The following FANCA variants were observed in gnomAD, a reference collection of about 807,000 sequenced individuals.
FANCA encodes the protein FA complementation group A.
In FANCA, 236 loss-of-function variants were observed where a neutral mutation model predicts 194.3. That is an observed-to-expected ratio of 1.21 (90% CI 1.09 to 1.35). The LOEUF is 1.35. Among genes scored for constraint, FANCA ranks in the 40% most tolerant of loss-of-function variants. The pLI is 0.00. For missense variants in FANCA, 2,628 were observed against 1,813.9 expected (o/e 1.45, Z -8.15); for synonymous variants, 1,014 against 715.8 (o/e 1.42, Z -6.65).
intron 36 of FANCA, 78 bp downstream of exon 36, chr16:89,744,881 G>C: frequency 1.5e-6 from 2 of 1,315,534 alleles, no homozygotes; most frequent in Non-Finnish European, 2.2e-6. Flanking sequence ...AAGCAAGCCA[G>C]GGTGTTTAGG....
intron 8 of FANCA, among the ~76,000 whole-genome samples, chr16:89,800,800 G>A (rs1238542281): frequency 6.6e-6 from 1 of 152,164 alleles, no homozygotes; most frequent in Non-Finnish European, 1.5e-5. Flanking sequence ...GGAAGTCGAG[G>A]TGGGTGGATC....
At chr16:89,776,328 C>G (rs1329939437) in intron 20 of FANCA, among the ~76,000 whole-genome samples, 1 of 151,232 alleles carries the variant, frequency 6.6e-6, no homozygotes, top group South Asian at 2.1e-4. Context: ...CCACCAGGCC[C>G]AGCTAATTTT....
At chr16:89,794,977 C>T (rs1433822610) in intron 11 of FANCA, among the ~76,000 whole-genome samples, 1 of 152,118 alleles carries the variant, frequency 6.6e-6, no homozygotes, top group Non-Finnish European at 1.5e-5. Flanking sequence ...CATGCTCAAA[C>T]ACCAAGTTTT....
chr16:89,782,220 T>A (rs1303071454), intron 17 of FANCA, among the ~76,000 whole-genome samples: 2 of 124,852 alleles, frequency 1.6e-5, no homozygotes, highest in Non-Finnish European at 3.5e-5. Context: ...CTAAAAAAAA[T>A]TAAAAAATTA....
chr16:89,797,167 GA>G (rs1276720841), intron 10 of FANCA, among the ~76,000 whole-genome samples: 1 of 150,494 alleles, frequency 6.6e-6, no homozygotes, highest in Non-Finnish European at 1.5e-5. Context: ...CTCAAAAAAA[GA>G]AAAATAAAAA....
intron 36 of FANCA, among the ~76,000 whole-genome samples, chr16:89,743,938 C>T (rs1190412592): frequency 2.0e-5 from 3 of 152,036 alleles, no homozygotes; most frequent in East Asian, 3.9e-4. Flanking sequence ...TCTCTCATTG[C>T]CCATGCTGGA....
intron 6 of FANCA, among the ~76,000 whole-genome samples, chr16:89,806,899 G>A (rs2040672671): frequency 6.6e-6 from 1 of 152,220 alleles, no homozygotes; most frequent in East Asian, 1.9e-4. Context: ...CCGGGTAGAG[G>A]GGCTCCTCAC....
chr16:89,770,898 C>T (rs2039301536), intron 23 of FANCA, among the ~76,000 whole-genome samples: 1 of 152,044 alleles, frequency 6.6e-6, no homozygotes, highest in Admixed American at 6.6e-5. Flanking sequence ...GTGTAAGGGG[C>T]CAGAAAAATA....
chr16:89,765,863 C>T (rs1388033626), intron 27 of FANCA, among the ~76,000 whole-genome samples: 2 of 152,216 alleles, frequency 1.3e-5, no homozygotes, highest in Admixed American at 6.5e-5. Context: ...ACTGGAAATA[C>T]GTGCACCCTG....
In FANCA at chr16:89,767,299, G is replaced by C. The variant is rs540895306; in HGVS notation, c.2505-62C>G. ...TACAAAATAAGGGATGAAGGAAAAA[G>C]TTACTTTGAATTTCATAAAACTGAA... is the stretch of plus-strand genomic sequence containing the variant. On this transcript the variant is annotated intron_variant, in intron 26 of 42. Transcript: ENST00000389301. 4.1e-6 allele frequency: 5 copies of C among 1,211,646 alleles called. No individual in the cohort carries two copies. The South Asian group carries it at 6.1e-5, about 15-fold the overall frequency. 75.1% of individuals were successfully genotyped at this position (1,211,646 alleles called of 1,614,324 possible). A position where few individuals can be genotyped will look rare whatever the true frequency, so the allele number is the denominator to read the frequency against.
intron 29 of FANCA, among the ~76,000 whole-genome samples, chr16:89,759,784 G>A (rs1322937515): frequency 6.6e-6 from 1 of 152,162 alleles, no homozygotes; most frequent in African/African-American, 2.4e-5. Context: ...AATCCGCAGT[G>A]CACAGAACCA....
At chr16:89,777,077 G>C (rs931366905) in intron 20 of FANCA, among the ~76,000 whole-genome samples, 2 of 152,142 alleles carry the variant, frequency 1.3e-5, no homozygotes, top group African/African-American at 2.4e-5. Context: ...GGGTGTGGTG[G>C]AGCGCGCCTC....
chr16:89,776,793 T>G (rs1336738418), intron 20 of FANCA, among the ~76,000 whole-genome samples: 1 of 151,934 alleles, frequency 6.6e-6, no homozygotes, highest in Non-Finnish European at 1.5e-5. Context: ...ATTGCGCCAC[T>G]GCACTGCAGA....
intron 20 of FANCA, chr16:89,778,274 TG>T: frequency 4.2e-6 from 1 of 237,294 alleles, no homozygotes; most frequent in Non-Finnish European, 8.4e-6. Context: ...GAGAACCGCC[TG>T]GCCAATATGG....
At chr16:89,742,696 ATT>A (rs1247558575) in intron 37 of FANCA, 102 bp downstream of exon 37, 9 of 1,163,092 alleles carry the variant, frequency 7.7e-6, no homozygotes, top group African/African-American at 6.2e-5. Flanking sequence ...CAAGCCACAT[ATT>A]TGTCTTTAGA....
intron 26 of FANCA, among the ~76,000 whole-genome samples, chr16:89,767,651 C>G (rs2039176596): frequency 6.6e-6 from 1 of 152,172 alleles, no homozygotes; most frequent in Admixed American, 6.5e-5. Context: ...CAGGTTCAAG[C>G]AATTCTCCTG....
At chr16:89,808,510 T>TA in intron 5 of FANCA, 143 bp from the exon 6 acceptor site, 1 of 833,416 alleles carries the variant, frequency 1.2e-6, no homozygotes, top group Non-Finnish European at 1.9e-6. Context: ...AGCAAAAACT[T>TA]AGAGCCTGAA....
rs572834641 is a variant in FANCA, at chr16:89,747,703, A to AAAAT, written c.3349-817_3349-814dup. 5.2e-3 allele frequency among the ~76,000 whole-genome samples: 791 copies of AAAAT among 152,072 alleles called. 11 individuals are homozygous for AAAAT. Among genetic ancestry groups the AAAAT allele is most frequent in the African/African-American group, 0.017 (696 of 41,446 alleles). On this transcript the variant is annotated intron_variant, in intron 33 of 42. Transcript: ENST00000389301. The stretch of plus-strand genomic sequence containing the variant: ...GCGACAGAGCAAGACTCTGTCTCAA[A>AAAAT]AAATAAATAAATAAATAAATAAATA...
At chr16:89,766,285 A>G (rs17226757) in intron 27 of FANCA, among the ~76,000 whole-genome samples, 9,126 of 151,528 alleles carry the variant, frequency 0.06, 428 homozygotes, top group East Asian at 0.23. Flanking sequence ...ATGAGCCACC[A>G]CGCCCAGCCT....
Sources: allele counts gnomAD v4.1 joint callset (sites outside exome capture counted in the v4.1 genomes callset), GRCh38; gene constraint gnomAD v4.1.1; transcripts MANE v1.5; gene names NCBI Gene and HGNC (gene_info 2026-07-23, HGNC 2026-07-21).